SKAP2: variants seen among roughly 807,000 people sequenced by gnomAD.
SKAP2 encodes src kinase-associated phosphoprotein 2.
In SKAP2, 28 loss-of-function variants were observed where a neutral mutation model predicts 54.9. The ratio of observed to expected loss-of-function variants is 0.51; its 90% CI spans 0.38 to 0.70. The LOEUF is 0.70. Ranked by LOEUF, SKAP2 falls within the 30% of genes least tolerant of loss-of-function variation. The pLI is 0.00. For synonymous variants in SKAP2, 137 were observed against 134.3 expected, an observed-to-expected ratio of 1.02 and a Z score of -0.14; for missense variants, 356 against 424.1, an observed-to-expected ratio of 0.84 and a Z score of 1.41.
At chr7:26,779,371 T>C (rs539593942) in intron 4 of SKAP2, among the ~76,000 whole-genome samples, 63 of 152,038 alleles carry the variant, frequency 4.1e-4, no homozygotes, top group Non-Finnish European at 6.5e-4. Context: ...AATAATTCCA[T>C]TCATTTTATA....
At chr7:26,661,706 AAAT>A in the SKAP2 span, among the ~76,000 whole-genome samples, 231 of 152,292 alleles carry the variant, frequency 1.5e-3, 1 homozygote, top group African/African-American at 5.3e-3. Context: ...TTTCTGTTAT[AAAT>A]AATAATACCA....
At chr7:26,719,209 T>C (rs1180040271) in intron 9 of SKAP2, among the ~76,000 whole-genome samples, 1 of 151,954 alleles carries the variant, frequency 6.6e-6, no homozygotes, top group Non-Finnish European at 1.5e-5. Context: ...GATTTAGCAA[T>C]AATGAAAGGG....
chr7:26,765,306 C>G (rs1184394007), intron 4 of SKAP2, among the ~76,000 whole-genome samples: 1 of 151,574 alleles, frequency 6.6e-6, no homozygotes, highest in East Asian at 1.9e-4. Context: ...TCATATCCTT[C>G]ACCCACTTTT....
chr7:26,704,304 A>G (rs1483516002), intron 9 of SKAP2, among the ~76,000 whole-genome samples: 1 of 152,170 alleles, frequency 6.6e-6, no homozygotes, highest in African/African-American at 2.4e-5. Context: ...CCTCCCAGAG[A>G]CTAAATGTGA....
chr7:26,738,148 A>G (rs1038768360), intron 6 of SKAP2, among the ~76,000 whole-genome samples: 4 of 152,194 alleles, frequency 2.6e-5, no homozygotes, highest in African/African-American at 9.7e-5. Context: ...ACAAATTCCT[A>G]GATCTGCCAT....
intron 9 of SKAP2, among the ~76,000 whole-genome samples, chr7:26,701,620 G>A (rs1244108057): frequency 6.6e-6 from 1 of 151,986 alleles, no homozygotes; most frequent in African/African-American, 2.4e-5. Flanking sequence ...GTAAACCCAG[G>A]AGGCTGAGGC....
chr7:26,694,106 TA>T (rs1157983276), intron 9 of SKAP2, among the ~76,000 whole-genome samples: 1 of 152,100 alleles, frequency 6.6e-6, no homozygotes. Flanking sequence ...TACATTCACA[TA>T]TTTTTTTATT....
chr7:26,855,736 T>C (rs924181237), intron 1 of SKAP2, among the ~76,000 whole-genome samples: 1 of 152,042 alleles, frequency 6.6e-6, no homozygotes, highest in Non-Finnish European at 1.5e-5. Flanking sequence ...TCCTTACAGG[T>C]TTAATTTTTA....
At chr7:26,822,882 C>CA (rs772957314) in intron 4 of SKAP2, among the ~76,000 whole-genome samples, 177 of 123,922 alleles carry the variant, frequency 1.4e-3, no homozygotes, top group East Asian at 9.2e-3. Context: ...GACTCCGTCT[C>CA]AAAAAAAAAA....
chr7:26,748,313 C>A (rs1782602665), intron 4 of SKAP2, among the ~76,000 whole-genome samples: 1 of 152,092 alleles, frequency 6.6e-6, no homozygotes, highest in Non-Finnish European at 1.5e-5. Context: ...TCTAAAAATT[C>A]TAGAGTTATT....
At chr7:26,725,620 A>G in intron 8 of SKAP2, 55 bp from the exon 9 acceptor site, 1 of 1,443,770 alleles carries the variant, frequency 6.9e-7, no homozygotes, top group South Asian at 1.3e-5. Context: ...GATATTTTTA[A>G]AACTATACTT....
chr7:26,849,233 AAAC>A (rs1390405139), intron 3 of SKAP2, among the ~76,000 whole-genome samples: 4 of 152,264 alleles, frequency 2.6e-5, no homozygotes, highest in Non-Finnish European at 5.9e-5. Flanking sequence ...AGGTCAAAGG[AAAC>A]TGCTTTCTAA....
intron 4 of SKAP2, among the ~76,000 whole-genome samples, chr7:26,827,804 A>G (rs1215097929): frequency 1.3e-5 from 2 of 152,188 alleles, no homozygotes; most frequent in Non-Finnish European, 2.9e-5. Context: ...GCTTATTCTT[A>G]ATTTTTGTAC....
At chr7:26,742,912 T>C (rs1307016446) in intron 4 of SKAP2, among the ~76,000 whole-genome samples, 2 of 152,228 alleles carry the variant, frequency 1.3e-5, no homozygotes, top group Non-Finnish European at 2.9e-5. Flanking sequence ...TGAATTCTCA[T>C]ATCATTTAGA....
intron 4 of SKAP2, among the ~76,000 whole-genome samples, chr7:26,810,274 T>A (rs1015896439): frequency 1.3e-5 from 2 of 151,192 alleles, no homozygotes; most frequent in Non-Finnish European, 2.9e-5. Flanking sequence ...TAAACTGAGA[T>A]TGCACCACTG....
At chr7:26,847,214 A>C (rs1188724776) in intron 3 of SKAP2, among the ~76,000 whole-genome samples, 2 of 152,124 alleles carry the variant, frequency 1.3e-5, no homozygotes, top group African/African-American at 4.8e-5. Context: ...CTCAGAGAGC[A>C]AAGAATCTAT....
intron 9 of SKAP2, among the ~76,000 whole-genome samples, chr7:26,692,541 C>G (rs1786808151): frequency 6.6e-6 from 1 of 152,258 alleles, no homozygotes; most frequent in Admixed American, 6.5e-5. Context: ...TAACTCAATT[C>G]AAACAAAATA....
chr7:26,811,425 A>G (rs1326343972), intron 4 of SKAP2, among the ~76,000 whole-genome samples: 1 of 151,998 alleles, frequency 6.6e-6, no homozygotes, highest in East Asian at 1.9e-4. Flanking sequence ...ATATCCCCAA[A>G]CCACACCATC....
chr7:26,831,803 G>A (rs949189710), intron 4 of SKAP2, among the ~76,000 whole-genome samples: 1 of 151,848 alleles, frequency 6.6e-6, no homozygotes, highest in Non-Finnish European at 1.5e-5. Flanking sequence ...AGTGACTAAG[G>A]TATGTCCTAT....
Sources: allele counts gnomAD v4.1 joint callset (sites outside exome capture counted in the v4.1 genomes callset), GRCh38; gene constraint gnomAD v4.1.1; transcripts MANE v1.5; gene names NCBI Gene and HGNC (gene_info 2026-07-23, HGNC 2026-07-21).